Variants in BIRC6 observed in about 807,000 individuals in gnomAD.
The protein encoded by BIRC6 is dual E2 ubiquitin-conjugating enzyme/E3 ubiquitin-protein ligase BIRC6.
A neutral mutation model predicts 503.3 loss-of-function variants in BIRC6; 98 were observed. The ratio of observed to expected loss-of-function variants is 0.19; its 90% CI spans 0.17 to 0.23. The LOEUF is 0.23. BIRC6 is among the 10% of genes least tolerant of loss of function. The probability of loss-of-function intolerance (pLI) is 1.00; values close to 1 mark genes in which losing one functional copy is unlikely to be tolerated. For synonymous variants in BIRC6, 2,240 were observed against 2,078.7 expected, an observed-to-expected ratio of 1.08 and a Z score of -2.11; for missense variants, 5,360 against 5,806.0, an observed-to-expected ratio of 0.92 and a Z score of 2.50.
At chr2:32,407,096 G>GTCTGATTGCATTTCCTGATATA (rs2041305359) in intron 9 of BIRC6, among the ~76,000 whole-genome samples, 1 of 152,072 alleles carries the variant, frequency 6.6e-6, no homozygotes, top group Admixed American at 6.6e-5. Context: ...ACTTAATATA[G>GTCTGATTGCATTTCCTGATATA]TCTGATTGCA....
chr2:32,517,835 T>C lies in BIRC6; in HGVS notation c.11350-419T>C, dbSNP rs574922049. ...GGGCTCAAATGATCTCTTCTCTTAG[T>C]TTCCCAAAGTTCTGAGATTATCAGC... On this transcript the variant is annotated intron_variant, in intron 55 of 73. Transcript: ENST00000421745. 2.0e-5 allele frequency among the ~76,000 whole-genome samples: 3 copies of C among 152,314 alleles called. No homozygotes were observed. The East Asian group carries it at 5.8e-4, about 29-fold the overall frequency.
At chr2:32,560,770 G>A (rs955262553) in intron 65 of BIRC6, among the ~76,000 whole-genome samples, 27 of 151,814 alleles carry the variant, frequency 1.8e-4, no homozygotes, top group African/African-American at 6.5e-4. Flanking sequence ...TTCTCATTAT[G>A]TTGCCCAGGC....
At position 32,460,998 on chromosome 2, in the gene BIRC6, C is replaced by CTCTGT. The variant is rs1553443637; in HGVS notation, c.4754-2193_4754-2192insGTTCT. Among the ~76,000 whole-genome samples the CTCTGT allele has an allele frequency of 1.1e-4, 10 of 88,736 alleles. 1 individual carries two copies. The East Asian group carries it at 3.3e-3, about 29-fold the overall frequency. The allele number at this position is 88,736 out of a possible 152,430, so 58.2% of individuals were successfully genotyped here. A position where few individuals can be genotyped will look rare whatever the true frequency, so the allele number is the denominator to read the frequency against. On this transcript the variant is annotated intron_variant, in intron 23 of 73. Coordinates refer to ENST00000421745, the MANE Select transcript of BIRC6 (RefSeq NM_016252.4). ...GATGCAATTGCTCTGCTCTGCTCTG[C>CTCTGT]TCTCTTCTCTTCTCTTCTCTTCTCT...
chr2:32,575,209 C>T lies in BIRC6; in HGVS notation c.13198C>T (p.Arg4400Trp), dbSNP rs775855234. The T allele has an allele frequency of 6.2e-7, 1 of 1,614,002 alleles. No individual in the cohort carries two copies. Among genetic ancestry groups the T allele is most frequent in the Non-Finnish European group, 8.5e-7 (1 of 1,179,880 alleles). ...CTATCGGGCACTGCTGGAATTGCTT[C>T]GGGCCATTGCTTCTTGTGCTGCCAT... is the stretch of plus-strand genomic sequence containing the variant. ...PLYRALLELL[R>W]AIASCAAMVP... Residue 4400 changes from arginine (R) to tryptophan (W), a missense_variant, in exon 66 of 74, where the codon CGG becomes TGG. Physicochemically the swap from Arg to Trp is moderately radical, Grantham distance 101. Around this residue, in one of 16 missense-constraint regions of BIRC6, gnomAD observed 477 missense variants for 574.4 expected, o/e 0.83. Coordinates refer to ENST00000421745, the MANE Select transcript of BIRC6 (RefSeq NM_016252.4).
intron 65 of BIRC6, chr2:32,558,767 C>T (rs1199805344): frequency 6.6e-6 from 1 of 152,176 alleles, no homozygotes; most frequent in Non-Finnish European, 1.5e-5. Flanking sequence ...GAACAAGCTT[C>T]ATATCAAAGA....
intron 1 of BIRC6, among the ~76,000 whole-genome samples, chr2:32,374,553 A>G (rs1268139262): frequency 6.6e-6 from 1 of 151,572 alleles, no homozygotes; most frequent in South Asian, 2.1e-4. Context: ...GCTCACTGCA[A>G]GCTCCGCCTC....
intron 12 of BIRC6, 40 bp from the exon 13 acceptor site, chr2:32,433,604 G>C (rs1471722578): frequency 6.7e-7 from 1 of 1,486,572 alleles, no homozygotes; most frequent in Admixed American, 1.8e-5. Flanking sequence ...GCTGAAGAAA[G>C]ATTTTTGCTT....
chr2:32,461,774 A>T (rs968233581), intron 23 of BIRC6, among the ~76,000 whole-genome samples: 1 of 152,106 alleles, frequency 6.6e-6, no homozygotes, highest in Non-Finnish European at 1.5e-5. Context: ...TCCACTACCT[A>T]TGAGCAAATT....
At chr2:32,503,557 G>T (rs556224148) in intron 49 of BIRC6, among the ~76,000 whole-genome samples, 109 of 152,214 alleles carry the variant, frequency 7.2e-4, no homozygotes, top group African/African-American at 2.5e-3. Context: ...GAGTAGCTGG[G>T]ATTACAGGCA....
At chr2:32,370,716 G>T (rs1573706578) in intron 1 of BIRC6, among the ~76,000 whole-genome samples, 1 of 151,798 alleles carries the variant, frequency 6.6e-6, no homozygotes, top group Non-Finnish European at 1.5e-5. Context: ...AATTCTTGTG[G>T]GTACATAGTA....
intron 28 of BIRC6, 56 bp downstream of exon 28, chr2:32,468,167 C>G: frequency 1.3e-6 from 2 of 1,514,988 alleles, no homozygotes; most frequent in Non-Finnish European, 1.8e-6. Flanking sequence ...TATATAATGT[C>G]TTGCTTATAA....
intron 61 of BIRC6, among the ~76,000 whole-genome samples, chr2:32,534,948 A>C (rs1449791654): frequency 1.3e-5 from 2 of 151,648 alleles, no homozygotes; most frequent in Non-Finnish European, 2.9e-5. Flanking sequence ...TCTCAATTCA[A>C]CATGTAAGAA....
intron 1 of BIRC6, among the ~76,000 whole-genome samples, chr2:32,362,482 A>AT (rs1402467572): frequency 3.3e-5 from 5 of 150,368 alleles, no homozygotes; most frequent in African/African-American, 9.8e-5. Flanking sequence ...GACCCGGCTA[A>AT]TTTTTTTTTG....
chr2:32,453,852 A>G lies in BIRC6; in HGVS notation c.4663A>G (p.Thr1555Ala). 1 of 1,613,796 alleles carries G rather than the reference A, an allele frequency of 6.2e-7. No homozygotes were observed. The highest frequency in any genetic ancestry group is 8.5e-7 in the Non-Finnish European group (1 of 1,179,720). Residue 1555 changes from threonine to alanine, a missense_variant, in exon 23 of 74, where the codon ACA becomes GCA. Coordinates refer to ENST00000421745, the MANE Select transcript of BIRC6 (RefSeq NM_016252.4). ...SSCTAAEGSF[T>A]SLTGLLEVEP... ...TTGCACAGCTGCTGAGGGTAGTTTC[A>G]CATCTCTCACTGGACTTTTGGAAGT...
At chr2:32,499,165 G>A (rs1356767446) in intron 45 of BIRC6, among the ~76,000 whole-genome samples, 1 of 152,188 alleles carries the variant, frequency 6.6e-6, no homozygotes, top group Non-Finnish European at 1.5e-5. Flanking sequence ...ATCATTATCA[G>A]TAGGAAATGT....
At chr2:32,515,980 A>G (rs762221802) in intron 55 of BIRC6, among the ~76,000 whole-genome samples, 35 of 152,216 alleles carry the variant, frequency 2.3e-4, no homozygotes, top group Non-Finnish European at 2.1e-4. Flanking sequence ...TAGCAGATGC[A>G]TTGGGATGCT....
At chr2:32,388,984 G>A (rs1441222335) in intron 4 of BIRC6, 41 bp downstream of exon 4, 14 of 1,247,730 alleles carry the variant, frequency 1.1e-5, no homozygotes, top group Non-Finnish European at 1.4e-5. Flanking sequence ...AGATAGAATT[G>A]ATTAGTTTTT....
At chr2:32,609,684 T>A (rs1455631333) in intron 72 of BIRC6, among the ~76,000 whole-genome samples, 4 of 150,524 alleles carry the variant, frequency 2.7e-5, no homozygotes, top group African/African-American at 7.4e-5. Context: ...CAAAGTTGGA[T>A]ACTTTACTTT....
chr2:32,421,184 G>GTCT (rs1319051718), intron 10 of BIRC6, among the ~76,000 whole-genome samples: 1 of 148,542 alleles, frequency 6.7e-6, no homozygotes, highest in African/African-American at 2.5e-5. Flanking sequence ...TTGGCTAACT[G>GTCT]CAACCTCTGC....
Sources: gnomAD v4.1 joint callset for allele counts (sites outside exome capture counted in the v4.1 genomes callset) on GRCh38, gnomAD v4.1.1 for gene constraint, gnomAD v4.1.1 regional missense constraint, MANE v1.5 for transcripts, NCBI Gene and HGNC (gene_info 2026-07-23, HGNC 2026-07-21) for gene names.